Variants in PARVA observed in about 807,000 individuals in gnomAD.
PARVA encodes the protein parvin alpha, also known as alpha-parvin.
In PARVA, 25 loss-of-function variants were observed where a neutral mutation model predicts 52.6. The observed-to-expected ratio is 0.48, with a 90% CI of 0.35 to 0.66. The LOEUF is 0.66. PARVA is among the 30% of genes least tolerant of loss of function. PARVA has a pLI of 0.01. For synonymous variants in PARVA, 185 were observed against 179.1 expected, an observed-to-expected ratio of 1.03 and a Z score of -0.26; for missense variants, 373 against 450.9, an observed-to-expected ratio of 0.83 and a Z score of 1.56.
chr11:12,470,106 ACAGT>A (rs1234016021), intron 1 of PARVA, among the ~76,000 whole-genome samples: 1 of 152,372 alleles, frequency 6.6e-6, no homozygotes, highest in African/African-American at 2.4e-5. Context: ...GTGCGCACAC[ACAGT>A]CAGGCTAAAA....
At chr11:12,448,969 T>C (rs776080349) in intron 1 of PARVA, among the ~76,000 whole-genome samples, 4 of 152,204 alleles carry the variant, frequency 2.6e-5, no homozygotes, top group Non-Finnish European at 5.9e-5. Context: ...GACATTTAGC[T>C]AAGAAGCTTT....
intron 1 of PARVA, among the ~76,000 whole-genome samples, chr11:12,410,835 C>G (rs563180616): frequency 6.6e-6 from 1 of 152,174 alleles, no homozygotes; most frequent in African/African-American, 2.4e-5. Context: ...AATAAAGTAT[C>G]GCATGGAATG....
At chr11:12,468,168 C>G (rs1393725558) in intron 1 of PARVA, among the ~76,000 whole-genome samples, 1 of 152,214 alleles carries the variant, frequency 6.6e-6, no homozygotes, top group Non-Finnish European at 1.5e-5. Flanking sequence ...CCTTACATCT[C>G]TGTCACCTCT....
chr11:12,508,119 A>T (rs1941457748), intron 6 of PARVA, among the ~76,000 whole-genome samples: 1 of 125,002 alleles, frequency 8.0e-6, no homozygotes, highest in South Asian at 2.5e-4. Context: ...AAAAAAAAAA[A>T]AAACCAAAAA....
In PARVA at chr11:12,480,644, TCATTTCA is replaced by T. The variant is rs1681201118; in HGVS notation, c.400+2704_400+2710del. ...AGGCATTGCGTACAAGCAGATTAGA[TCATTTCA>T]CATTTCACCCTTCATGCTGAAAAGG... On this transcript the variant is annotated intron_variant, in intron 4 of 12. Transcript: ENST00000334956. The T allele has an allele frequency of 1.3e-5, 2 of 152,050 alleles. 1 individual carries two copies. The highest frequency in any genetic ancestry group is 4.1e-4 in the South Asian group (2 of 4,822). 9.4% of individuals were successfully genotyped at this position (152,050 alleles called of 1,614,324 possible). A position where few individuals can be genotyped will look rare whatever the true frequency, so the allele number is the denominator to read the frequency against.
In PARVA at chr11:12,494,447, G is replaced by T. The variant is rs533312545; in HGVS notation, c.401-2011G>T. Among the ~76,000 whole-genome samples, 5 of 152,214 alleles carry T rather than the reference G, an allele frequency of 3.3e-5. No homozygotes were observed. The South Asian group carries it at 1.0e-3, about 32-fold the overall frequency. On this transcript the variant is annotated intron_variant, in intron 4 of 12. Transcript: ENST00000334956. ...CCTCATTAACATAAACTCAGATGTA[G>T]GTGAAAGGGGCTTGTTATGAATAAC...
chr11:12,508,678 T>G (rs1941466372), intron 7 of PARVA, 36 bp downstream of exon 7: 1 of 1,434,204 alleles, frequency 7.0e-7, no homozygotes, highest in Non-Finnish European at 9.8e-7. Context: ...GATTCTGTAA[T>G]GGAACACAGA....
At chr11:12,419,063 G>A (rs1940109178) in intron 1 of PARVA, among the ~76,000 whole-genome samples, 2 of 152,132 alleles carry the variant, frequency 1.3e-5, no homozygotes, top group Non-Finnish European at 2.9e-5. Context: ...CTCTGACCAA[G>A]GAGCTGCTTT....
intron 1 of PARVA, among the ~76,000 whole-genome samples, chr11:12,417,248 G>A (rs1003568172): frequency 6.6e-6 from 1 of 151,850 alleles, no homozygotes; most frequent in Non-Finnish European, 1.5e-5. Flanking sequence ...GTTCACACTT[G>A]TGAAAAACTT....
chr11:12,469,524 A>G (rs1940903219), intron 1 of PARVA, among the ~76,000 whole-genome samples: 1 of 152,162 alleles, frequency 6.6e-6, no homozygotes, highest in Non-Finnish European at 1.5e-5. Flanking sequence ...AGGATTGGCA[A>G]GGGGCTTCTG....
intron 1 of PARVA, among the ~76,000 whole-genome samples, chr11:12,416,160 C>T (rs911711387): frequency 1.3e-5 from 2 of 152,114 alleles, no homozygotes; most frequent in East Asian, 1.9e-4. Flanking sequence ...AATTTTCATC[C>T]GTAGAATAAT....
intron 4 of PARVA, among the ~76,000 whole-genome samples, chr11:12,484,997 A>G (rs1941141196): frequency 6.6e-6 from 1 of 151,920 alleles, no homozygotes; most frequent in Non-Finnish European, 1.5e-5. Context: ...TGTGTTTTGT[A>G]GAGATGGAAT....
chr11:12,459,940 T>G (rs1238027644), intron 1 of PARVA, among the ~76,000 whole-genome samples: 4 of 152,228 alleles, frequency 2.6e-5, no homozygotes, highest in African/African-American at 4.8e-5. Context: ...CACCTCCTTT[T>G]TAATCTGTCC....
intron 5 of PARVA, among the ~76,000 whole-genome samples, chr11:12,498,308 T>C (rs772830177): frequency 6.6e-5 from 10 of 152,148 alleles, no homozygotes; most frequent in Non-Finnish European, 1.2e-4. Flanking sequence ...AGTGCTAGAA[T>C]TACAGGCACA....
At chr11:12,391,781 G>A (rs796258587) in intron 1 of PARVA, among the ~76,000 whole-genome samples, 3 of 152,212 alleles carry the variant, frequency 2.0e-5, no homozygotes, top group Non-Finnish European at 4.4e-5. Flanking sequence ...AGCTGGGAAC[G>A]TGCTCTGCCT....
At chr11:12,402,660 AAAT>A (rs1325235285) in intron 1 of PARVA, among the ~76,000 whole-genome samples, 1 of 152,240 alleles carries the variant, frequency 6.6e-6, no homozygotes, top group Non-Finnish European at 1.5e-5. Context: ...TGCATAGAAC[AAAT>A]AATGTCTGAC....
chr11:12,456,803 T>G (rs767963469), intron 1 of PARVA, among the ~76,000 whole-genome samples: 5 of 152,100 alleles, frequency 3.3e-5, no homozygotes, highest in Non-Finnish European at 7.4e-5. Flanking sequence ...CAGGCTCCCA[T>G]AGAGTACTAT....
intron 1 of PARVA, among the ~76,000 whole-genome samples, chr11:12,418,739 T>C (rs1036353782): frequency 1.3e-5 from 2 of 152,144 alleles, no homozygotes; most frequent in Non-Finnish European, 2.9e-5. Context: ...TCCTCATCTG[T>C]AAAATTTAGC....
At chr11:12,514,485 T>C (rs1382799031) in intron 10 of PARVA, among the ~76,000 whole-genome samples, 1 of 152,256 alleles carries the variant, frequency 6.6e-6, no homozygotes, top group African/African-American at 2.4e-5. Context: ...GTTTTTGTTT[T>C]CTGTTTTGTT....
Sources: allele counts gnomAD v4.1 joint callset (sites outside exome capture counted in the v4.1 genomes callset), GRCh38; gene constraint gnomAD v4.1.1; transcripts MANE v1.5; gene names NCBI Gene and HGNC (gene_info 2026-07-23, HGNC 2026-07-21).